Variants in TRIM38 observed in about 807,000 individuals in gnomAD.
TRIM38 encodes the protein E3 ubiquitin-protein ligase TRIM38.
A neutral mutation model predicts 35.8 loss-of-function variants in TRIM38; 35 were observed. The ratio of observed to expected loss-of-function variants is 0.98; its 90% CI spans 0.75 to 1.30. TRIM38 has a LOEUF of 1.30. Among genes scored for constraint, TRIM38 ranks in the 50% most tolerant of loss-of-function variants. The probability of loss-of-function intolerance (pLI) is 0.00; values close to 1 mark genes in which losing one functional copy is unlikely to be tolerated. For missense variants in TRIM38, 545 were observed against 556.9 expected, an observed-to-expected ratio of 0.98 and a Z score of 0.21; for synonymous variants, 198 against 204.7, an observed-to-expected ratio of 0.97 and a Z score of 0.28.
intron 7 of TRIM38, among the ~76,000 whole-genome samples, chr6:25,982,147 T>C (rs1482389783): frequency 6.6e-6 from 1 of 152,144 alleles, no homozygotes; most frequent in Non-Finnish European, 1.5e-5. Context: ...ATAAAACCCC[T>C]TGTGGCTTGG....
At chr6:25,979,074 A>G (rs1178667394) in intron 7 of TRIM38, among the ~76,000 whole-genome samples, 1 of 152,122 alleles carries the variant, frequency 6.6e-6, no homozygotes, top group Non-Finnish European at 1.5e-5. Flanking sequence ...TAAAATACAT[A>G]CACTATACAT....
rs1039381753 is a variant in TRIM38 at position 25,983,744 on chromosome 6, A to G, written c.*57A>G. On this transcript the variant is annotated 3_prime_UTR_variant, in exon 8 of 8. Coordinates refer to ENST00000357085, the MANE Select transcript of TRIM38 (RefSeq NM_006355.5). ...GCACAGAGAAAATAATATAAATCCC[A>G]TAAGGGCAGACGTTTGGTCTGTTTT... The G allele has an allele frequency of 9.6e-5, 140 of 1,458,254 alleles. No homozygotes were observed. Among genetic ancestry groups the G allele is most frequent in the Non-Finnish European group, 1.2e-4 (128 of 1,092,090 alleles). The allele number at this position is 1,458,254 out of a possible 1,614,324, so 90.3% of individuals were successfully genotyped here.
intron 4 of TRIM38, among the ~76,000 whole-genome samples, chr6:25,969,730 G>C (rs1436310): frequency 0.42 from 63,612 of 151,710 alleles, 14,179 homozygotes; most frequent in East Asian, 0.75. Context: ...CTTTAAATAC[G>C]TCAAAATAAA....
chr6:25,963,404 C>CG (rs1311666610), intron 2 of TRIM38, 122 bp downstream of exon 2: 2 of 148,110 alleles, frequency 1.4e-5, no homozygotes, highest in Non-Finnish European at 3.0e-5. Flanking sequence ...GGGGAGGGAT[C>CG]GGGGGTACAG....
rs1760057203 is a variant in TRIM38 at position 25,966,621 on chromosome 6, C to T, written c.99C>T (p.His33=). 2.5e-6 allele frequency: 4 copies of T among 1,614,078 alleles called. No homozygotes were observed. The change falls in exon 3 of 8, where the codon CAC becomes CAT. Residue 33 remains histidine, a synonymous_variant. Coordinates refer to ENST00000357085, the MANE Select transcript of TRIM38 (RefSeq NM_006355.5). ...ACCCAGTAAGCATCAACTGTGGACACAGCTACTGCCACTTGTGTATAACAG... is the reference window on the plus strand; with the variant it reads ...ACCCAGTAAGCATCAACTGTGGACATAGCTACTGCCACTTGTGTATAACAG... ...MTNPVSINCG[H]SYCHLCITDF...
rs548747044 is a variant in TRIM38 at position 25,975,784 on chromosome 6, A to G, written c.874+2499A>G. 275 of 793,634 alleles carry G rather than the reference A, an allele frequency of 3.5e-4. 3 individuals carry two copies. The South Asian group carries it at 0.015, about 42-fold the overall frequency. 49.2% of individuals were successfully genotyped at this position (793,634 alleles called of 1,614,324 possible). On this transcript the variant is annotated intron_variant, in intron 7 of 7. Coordinates refer to ENST00000357085, the MANE Select transcript of TRIM38 (RefSeq NM_006355.5). ...ATGTCTAATATTCCATAAGAATATA[A>G]TAAATATATGTAACCATATCCCTAC...
Position 25,966,413 on chromosome 6 carries a change from C to G in TRIM38, c.-110C>G, listed in dbSNP as rs1760045758. 1 of 1,176,288 alleles carries G rather than the reference C, an allele frequency of 8.5e-7. No individual in the cohort carries two copies. Among genetic ancestry groups the G allele is most frequent in the African/African-American group, 1.5e-5 (1 of 64,736 alleles). 72.9% of individuals were successfully genotyped at this position (1,176,288 alleles called of 1,614,324 possible). ...CAAGACCTATGGAAGTCAGTTGCAG[C>G]CAGCTCATCACATAGAGGTGCAGGT... On this transcript the variant is annotated 5_prime_UTR_variant, in exon 3 of 8. Coordinates refer to ENST00000357085, the MANE Select transcript of TRIM38 (RefSeq NM_006355.5).
rs1461351715 is a variant in TRIM38, at chr6:25,986,328, A to T, written c.*2641A>T. On this transcript the variant is annotated 3_prime_UTR_variant, in exon 8 of 8. Coordinates refer to ENST00000357085, the MANE Select transcript of TRIM38 (RefSeq NM_006355.5). ...GATCACTTGAGGCTAGGAGTTTGAG[A>T]CTAGCCTGGGCAAGGCTCCCATCTC... is the stretch of plus-strand genomic sequence containing the variant. 1.3e-5 allele frequency: 2 copies of T among 152,082 alleles called. No individual in the cohort carries two copies. Among genetic ancestry groups the T allele is most frequent in the African/African-American group, 4.8e-5 (2 of 41,398 alleles). The allele number at this position is 152,082 out of a possible 1,614,324, so 9.4% of individuals were successfully genotyped here.
At chr6:25,968,002 A>C (rs1438613131) in intron 3 of TRIM38, among the ~76,000 whole-genome samples, 1 of 152,174 alleles carries the variant, frequency 6.6e-6, no homozygotes, top group Non-Finnish European at 1.5e-5. Flanking sequence ...TACCATCCAG[A>C]TTTCTTGCCA....
chr6:25,973,584 T>A (rs564623278), intron 7 of TRIM38: 1 of 975,268 alleles, frequency 1.0e-6, no homozygotes, highest in South Asian at 4.7e-5. Flanking sequence ...TCCTACTTCA[T>A]TGAGTTATCA....
chr6:25,977,409 C>T (rs1047372891), intron 7 of TRIM38, among the ~76,000 whole-genome samples: 1 of 152,180 alleles, frequency 6.6e-6, no homozygotes, highest in African/African-American at 2.4e-5. Flanking sequence ...GTGGCTTACG[C>T]CTGTAATCCC....
At chr6:25,977,229 T>C (rs1374735759) in intron 7 of TRIM38, among the ~76,000 whole-genome samples, 1 of 152,176 alleles carries the variant, frequency 6.6e-6, no homozygotes, top group Non-Finnish European at 1.5e-5. Flanking sequence ...ACCTAATTAA[T>C]TTTATTAGCC....
intron 7 of TRIM38, among the ~76,000 whole-genome samples, chr6:25,981,702 A>T (rs1233530445): frequency 1.3e-5 from 2 of 152,238 alleles, no homozygotes; most frequent in African/African-American, 4.8e-5. Context: ...TCATGGGACT[A>T]GGCATGTGTC....
chr6:25,980,703 G>A (rs985510279), intron 7 of TRIM38, among the ~76,000 whole-genome samples: 1 of 152,190 alleles, frequency 6.6e-6, no homozygotes, highest in African/African-American at 2.4e-5. Context: ...TTACAGGCAT[G>A]AGCCACCACA....
At chr6:25,972,135 T>C in intron 5 of TRIM38, 36 bp downstream of exon 5, 1 of 1,564,534 alleles carries the variant, frequency 6.4e-7, no homozygotes, top group Non-Finnish European at 8.8e-7. Context: ...AAAAAAGGTA[T>C]GTTATAGTGC....
intron 3 of TRIM38, among the ~76,000 whole-genome samples, chr6:25,967,545 TTTTTTC>T (rs1318673165): frequency 4.7e-5 from 4 of 84,234 alleles, no homozygotes; most frequent in Admixed American, 1.2e-4. Flanking sequence ...TTTTTTTTTT[TTTTTTC>T]CTGAGGTAGG....
rs148536832 is a variant in TRIM38, at chr6:25,976,056, C to T, written c.874+2771C>T. Among the ~76,000 whole-genome samples, 1,384 of 152,308 alleles carry T rather than the reference C, an allele frequency of 9.1e-3. 9 individuals carry two copies. The highest frequency in any genetic ancestry group is 0.037 in the Middle Eastern group (11 of 294). On this transcript the variant is annotated intron_variant, in intron 7 of 7. Coordinates refer to ENST00000357085, the MANE Select transcript of TRIM38 (RefSeq NM_006355.5). ...ATACTGAGCACTCTTTAGTCTGTGA[C>T]AGATTAGAAAAGCTTTACTTTTCTT...
rs375346960 is a variant in TRIM38 at position 25,963,991 on chromosome 6, TG to T, written c.-189+717del. The stretch of plus-strand genomic sequence containing the variant: ...GTTGGTTGTTGTTCTTTGTGGGGGA[TG>T]GGGGGGGTCGAGGTGGAGTCAAATT... On this transcript the variant is annotated intron_variant, in intron 2 of 7. Transcript: ENST00000357085. Among the ~76,000 whole-genome samples the T allele has an allele frequency of 3.1e-3, 470 of 151,030 alleles. 2 individuals are homozygous for T. The highest frequency in any genetic ancestry group is 9.2e-3 in the African/African-American group (381 of 41,224).
intron 2 of TRIM38, among the ~76,000 whole-genome samples, chr6:25,964,558 A>G (rs892856498): frequency 6.6e-6 from 1 of 152,196 alleles, no homozygotes; most frequent in Non-Finnish European, 1.5e-5. Context: ...TCTTCAGTAC[A>G]AAATGAGATA....
Sources: allele counts gnomAD v4.1 joint callset (sites outside exome capture counted in the v4.1 genomes callset), GRCh38; gene constraint gnomAD v4.1.1; transcripts MANE v1.5; gene names NCBI Gene and HGNC (gene_info 2026-07-23, HGNC 2026-07-21).